The following PCDH17 variants were observed in gnomAD, a reference collection of about 807,000 sequenced individuals.
PCDH17 encodes the protein protocadherin-17.
In PCDH17, 21 loss-of-function variants were observed where a neutral mutation model predicts 67.7. The observed-to-expected ratio is 0.31, with a 90% CI of 0.22 to 0.45. The LOEUF is 0.45. Among genes scored for constraint, PCDH17 ranks in the 20% least tolerant of loss-of-function variants. The probability of loss-of-function intolerance (pLI) is 1.00; values close to 1 mark genes in which losing one functional copy is unlikely to be tolerated. For synonymous variants in PCDH17, 701 were observed against 656.7 expected, an observed-to-expected ratio of 1.07 and a Z score of -1.03; for missense variants, 1,471 against 1,564.8, an observed-to-expected ratio of 0.94 and a Z score of 1.01.
In PCDH17 at chr13:57,632,350, A is replaced by G; in HGVS notation, c.-197A>G. 1 of 606,740 alleles carries G rather than the reference A, an allele frequency of 1.6e-6. No individual in the cohort carries two copies. Among genetic ancestry groups the G allele is most frequent in the Non-Finnish European group, 2.9e-6 (1 of 345,282 alleles). 37.6% of individuals were successfully genotyped at this position (606,740 alleles called of 1,614,324 possible). A position where few individuals can be genotyped will look rare whatever the true frequency, so the allele number is the denominator to read the frequency against. On this transcript the variant is annotated 5_prime_UTR_variant, in exon 1 of 4. Coordinates refer to ENST00000377918, the MANE Select transcript of PCDH17 (RefSeq NM_001040429.3). ...TTCTCACCCAGTGCGGATGCTGTAG[A>G]TCAACAGGTTCAGGGAACTTGAGCA...
chr13:57,665,532 A>C (rs1955241215), intron 1 of PCDH17, among the ~76,000 whole-genome samples: 1 of 152,144 alleles, frequency 6.6e-6, no homozygotes, highest in Admixed American at 6.6e-5. Flanking sequence ...GTAGGAACCC[A>C]TAGCTGCTTC....
chr13:57,632,771 G>T lies in PCDH17; in HGVS notation c.225G>T (p.Leu75=). The change falls in exon 1 of 4, where the codon CTG becomes CTT. Residue 75 remains leucine (L), a synonymous_variant. Transcript: ENST00000377918. The part of the protein sequence containing the change: ...RVLENSAPHL[L]DVDADSGLLY... ...TGGAGAACTCCGCACCGCACCTGCT[G>T]GACGTGGACGCAGACAGCGGGCTCC... 6.2e-7 allele frequency: 1 copy of T among 1,612,956 alleles called. No individual in the cohort carries two copies.
intron 1 of PCDH17, among the ~76,000 whole-genome samples, chr13:57,657,132 T>C (rs1475235926): frequency 1.3e-5 from 2 of 152,170 alleles, no homozygotes; most frequent in African/African-American, 4.8e-5. Flanking sequence ...ATCAATGTCA[T>C]TTCAAAGAGT....
At chr13:57,660,675 CTCTA>C (rs1203729255) in intron 1 of PCDH17, among the ~76,000 whole-genome samples, 1 of 152,176 alleles carries the variant, frequency 6.6e-6, no homozygotes, top group Non-Finnish European at 1.5e-5. Context: ...TGCTATCTCT[CTCTA>C]TCATACTTTC....
At chr13:57,697,980 C>T (rs73207462) in intron 3 of PCDH17, among the ~76,000 whole-genome samples, 9,634 of 151,526 alleles carry the variant, frequency 0.064, 339 homozygotes, top group Middle Eastern at 0.099. Flanking sequence ...TGATATTCTT[C>T]AGTTGTTTCC....
chr13:57,661,481 C>T (rs1955183130), intron 1 of PCDH17, among the ~76,000 whole-genome samples: 3 of 152,152 alleles, frequency 2.0e-5, no homozygotes, highest in Admixed American at 2.0e-4. Context: ...TAAACTCCAA[C>T]TTTTTCTTCT....
At chr13:57,660,736 T>C (rs930582480) in intron 1 of PCDH17, among the ~76,000 whole-genome samples, 1 of 152,222 alleles carries the variant, frequency 6.6e-6, no homozygotes, top group South Asian at 2.1e-4. Flanking sequence ...TGTGCCATAA[T>C]AGCTTTGCCT....
rs1419848558 is a variant in PCDH17, at chr13:57,681,508, TA to T, written c.2797+14676del. On this transcript the variant is annotated intron_variant, in intron 3 of 3. Transcript: ENST00000377918. ...TTGTTTTATTCTGTTTTGGTGCTTA[TA>T]TAGATTACTTACCTTTACCCAGAAT... Among the ~76,000 whole-genome samples the T allele has an allele frequency of 2.6e-5, 4 of 151,926 alleles. No individual in the cohort carries two copies. In the East Asian group the frequency reaches 7.8e-4, roughly 30 times the overall value.
intron 3 of PCDH17, among the ~76,000 whole-genome samples, chr13:57,706,472 T>A (rs1469841941): frequency 6.6e-6 from 1 of 152,166 alleles, no homozygotes; most frequent in South Asian, 2.1e-4. Flanking sequence ...CCTGGATTAG[T>A]TTCCTAGGGC....
In PCDH17 at chr13:57,727,374, T is replaced by A. The variant is rs183285980; in HGVS notation, c.*2080T>A. On this transcript the variant is annotated 3_prime_UTR_variant, in exon 4 of 4. Transcript: ENST00000377918. Reference sequence around the variant, plus strand: ...CAAAAATGTCATAAAAATTCTTATATTTAAAACAAAAACAAAAGCAAAAAC... The same window carrying A: ...CAAAAATGTCATAAAAATTCTTATAATTAAAACAAAAACAAAAGCAAAAAC... 1 of 152,716 alleles carries A rather than the reference T, an allele frequency of 6.5e-6. No homozygotes were observed. The highest frequency in any genetic ancestry group is 1.5e-5 in the Non-Finnish European group (1 of 68,014). 9.5% of individuals were successfully genotyped at this position (152,716 alleles called of 1,614,324 possible). A position where few individuals can be genotyped will look rare whatever the true frequency, so the allele number is the denominator to read the frequency against.
chr13:57,718,520 T>C (rs1955843254), intron 3 of PCDH17, among the ~76,000 whole-genome samples: 1 of 152,040 alleles, frequency 6.6e-6, no homozygotes, highest in Non-Finnish European at 1.5e-5. Context: ...ATTGTTAAGG[T>C]ACCATTTATA....
At chr13:57,635,302 C>G (rs935223950) in intron 1 of PCDH17, among the ~76,000 whole-genome samples, 191 bp downstream of exon 1, 1 of 152,068 alleles carries the variant, frequency 6.6e-6, no homozygotes. Flanking sequence ...TGTAAATAGT[C>G]TAAACTCTAC....
At chr13:57,639,684 T>G (rs1299685164) in intron 1 of PCDH17, among the ~76,000 whole-genome samples, 4 of 151,940 alleles carry the variant, frequency 2.6e-5, no homozygotes, top group Admixed American at 2.6e-4. Context: ...AATTTTTAAT[T>G]TTACTTGAGT....
intron 3 of PCDH17, among the ~76,000 whole-genome samples, chr13:57,706,719 A>C (rs947287841): frequency 6.6e-6 from 1 of 152,156 alleles, no homozygotes; most frequent in Non-Finnish European, 1.5e-5. Context: ...AGCAATAGAC[A>C]AGAGAGTTCT....
At position 57,725,099 on chromosome 13, in the gene PCDH17, G is replaced by C; in HGVS notation, c.3285G>C (p.Gln1095His). 1.9e-6 allele frequency: 3 copies of C among 1,614,142 alleles called. No individual in the cohort carries two copies. Among genetic ancestry groups the C allele is most frequent in the South Asian group, 2.2e-5 (2 of 91,080 alleles). The change falls in exon 4 of 4, where the codon CAG becomes CAC. Residue 1095 changes from glutamine (Q) to histidine (H), a missense_variant. This residue lies in a region of PCDH17 where 297 missense variants were observed against 298.6 expected (regional missense o/e 0.99). Transcript: ENST00000377918. ...PRDPPFMASDQMARVFADVHS... is the reference protein window; with the variant it reads ...PRDPPFMASDHMARVFADVHS... ...ACCCTCCCTTCATGGCTTCCGATCA[G>C]ATGGCAAGGGTCTTTGCAGATGTGC...
intron 1 of PCDH17, among the ~76,000 whole-genome samples, chr13:57,663,004 CTGTTT>C (rs1955202464): frequency 6.6e-6 from 1 of 151,938 alleles, no homozygotes; most frequent in Admixed American, 6.6e-5. Flanking sequence ...TAGTTCACAT[CTGTTT>C]TGTTATGATC....
At chr13:57,687,458 C>A (rs1041100028) in intron 3 of PCDH17, among the ~76,000 whole-genome samples, 1 of 151,912 alleles carries the variant, frequency 6.6e-6, no homozygotes, top group South Asian at 2.1e-4. Context: ...AGATTAAACA[C>A]AATCTCAATC....
chr13:57,702,133 G>T (rs1289906412), intron 3 of PCDH17, among the ~76,000 whole-genome samples: 1 of 152,008 alleles, frequency 6.6e-6, no homozygotes, highest in Non-Finnish European at 1.5e-5. Context: ...GGCCAGGATG[G>T]TCTCGAGCTC....
At chr13:57,638,364 T>G (rs562662189) in intron 1 of PCDH17, among the ~76,000 whole-genome samples, 1 of 152,148 alleles carries the variant, frequency 6.6e-6, no homozygotes, top group African/African-American at 2.4e-5. Context: ...GTGTTTTCAA[T>G]GAAGGCCTTG....
Sources: gnomAD v4.1 joint callset for allele counts (sites outside exome capture counted in the v4.1 genomes callset) on GRCh38, gnomAD v4.1.1 for gene constraint, gnomAD v4.1.1 regional missense constraint, MANE v1.5 for transcripts, NCBI Gene and HGNC (gene_info 2026-07-23, HGNC 2026-07-21) for gene names.